Variants in RYR3 observed in about 807,000 individuals in gnomAD.
RYR3 encodes ryanodine receptor 3.
In RYR3, 207 loss-of-function variants were observed where a neutral mutation model predicts 584.3. The ratio of observed to expected loss-of-function variants is 0.35; its 90% CI spans 0.32 to 0.40. RYR3 has a LOEUF of 0.40. RYR3 is among the 10% of genes least tolerant of loss of function. The pLI, the probability that RYR3 is intolerant of heterozygous loss-of-function variation, is 1.00. For synonymous variants in RYR3, 2,416 were observed against 2,248.5 expected, an observed-to-expected ratio of 1.07 and a Z score of -2.11; for missense variants, 5,616 against 6,089.2, an observed-to-expected ratio of 0.92 and a Z score of 2.59.
At chr15:33,760,821 T>C (rs959447895) in intron 60 of RYR3, among the ~76,000 whole-genome samples, 1 of 152,216 alleles carries the variant, frequency 6.6e-6, no homozygotes, top group African/African-American at 2.4e-5. Context: ...CACATGCACC[T>C]ATTCTAAAAT....
chr15:33,640,932 C>T (rs2061779297), intron 27 of RYR3, among the ~76,000 whole-genome samples: 1 of 152,120 alleles, frequency 6.6e-6, no homozygotes, highest in South Asian at 2.1e-4. Flanking sequence ...AAGCTGTGTG[C>T]AATATGGAAA....
At chr15:33,651,909 G>A (rs577472483) in intron 31 of RYR3, among the ~76,000 whole-genome samples, 20 of 152,306 alleles carry the variant, frequency 1.3e-4, no homozygotes, top group South Asian at 1.0e-3. Flanking sequence ...TCTTGCCCAC[G>A]GTGGGGGGCT....
At chr15:33,548,253 G>T (rs939897437) in intron 9 of RYR3, 49 bp downstream of exon 9, 2 of 1,143,870 alleles carry the variant, frequency 1.7e-6, no homozygotes, top group South Asian at 1.3e-5. Flanking sequence ...TTCTTTTTCA[G>T]TACAGGCCGT....
chr15:33,388,581 A>C (rs1403683287), intron 1 of RYR3, among the ~76,000 whole-genome samples: 1 of 152,234 alleles, frequency 6.6e-6, no homozygotes, highest in Non-Finnish European at 1.5e-5. Context: ...AGACAAGGAC[A>C]AGTATAAATC....
At chr15:33,571,305 T>G (rs2058016733) in intron 12 of RYR3, among the ~76,000 whole-genome samples, 3 of 152,214 alleles carry the variant, frequency 2.0e-5, no homozygotes, top group Admixed American at 2.0e-4. Flanking sequence ...GAGCATTAGA[T>G]TTTTTCAAAT....
intron 1 of RYR3, among the ~76,000 whole-genome samples, chr15:33,361,758 G>C (rs1974796070): frequency 6.6e-6 from 1 of 152,226 alleles, no homozygotes; most frequent in African/African-American, 2.4e-5. Context: ...CCAAAACCTA[G>C]TGCGTGAGGA....
intron 2 of RYR3, among the ~76,000 whole-genome samples, chr15:33,485,740 G>A (rs182330392): frequency 1.3e-5 from 2 of 152,312 alleles, no homozygotes; most frequent in Admixed American, 6.5e-5. Flanking sequence ...TTTCTAGATT[G>A]TGTCACTCTC....
intron 1 of RYR3, among the ~76,000 whole-genome samples, chr15:33,461,419 T>C (rs2048033629): frequency 6.6e-6 from 1 of 152,226 alleles, no homozygotes; most frequent in Non-Finnish European, 1.5e-5. Context: ...TGTCTGGTTT[T>C]GATTCTTTTA....
chr15:33,670,193 T>C (rs1285847414), intron 37 of RYR3, among the ~76,000 whole-genome samples: 3 of 151,954 alleles, frequency 2.0e-5, no homozygotes, highest in Non-Finnish European at 4.4e-5. Flanking sequence ...AAAACACATG[T>C]TTTAGGATTA....
At chr15:33,441,494 GT>G (rs1437832730) in intron 1 of RYR3, among the ~76,000 whole-genome samples, 1 of 152,160 alleles carries the variant, frequency 6.6e-6, no homozygotes, top group Admixed American at 6.5e-5. Flanking sequence ...GGGAAGATAG[GT>G]GGGGAGTTGG....
At chr15:33,817,658 G>A (rs2076888916) in intron 75 of RYR3, among the ~76,000 whole-genome samples, 1 of 151,984 alleles carries the variant, frequency 6.6e-6, no homozygotes, top group Non-Finnish European at 1.5e-5. Flanking sequence ...GTCACCCTCT[G>A]TTTCTTTCCT....
chr15:33,701,204 A>G (rs2066277905), intron 42 of RYR3, 124 bp downstream of exon 42: 2 of 632,014 alleles, frequency 3.2e-6, no homozygotes, highest in African/African-American at 3.7e-5. Context: ...GCTTGTAGGG[A>G]AAGTGTGAAA....
At chr15:33,530,500 TG>T in intron 3 of RYR3, 91 bp from the exon 4 acceptor site, 1 of 869,422 alleles carries the variant, frequency 1.2e-6, no homozygotes, top group Non-Finnish European at 1.9e-6. Context: ...GGTCTTTTCC[TG>T]GTAGTCTGTC....
At chr15:33,727,583 G>A (rs562204771) in intron 46 of RYR3, among the ~76,000 whole-genome samples, 2 of 152,260 alleles carry the variant, frequency 1.3e-5, no homozygotes, top group East Asian at 1.9e-4. Context: ...CACCAGGCAC[G>A]CATGAGAGAG....
At chr15:33,401,555 AT>A (rs892667596) in intron 1 of RYR3, among the ~76,000 whole-genome samples, 2 of 152,170 alleles carry the variant, frequency 1.3e-5, no homozygotes, top group African/African-American at 4.8e-5. Context: ...CTGTAGAATA[AT>A]TTTTTACATG....
intron 67 of RYR3, among the ~76,000 whole-genome samples, chr15:33,796,386 G>A (rs1350693202): frequency 6.6e-6 from 1 of 151,750 alleles, no homozygotes; most frequent in Non-Finnish European, 1.5e-5. Flanking sequence ...CACCCACCTT[G>A]GCCTCCCAAA....
rs561912756 is a variant in RYR3 at position 33,564,437 on chromosome 15, C to T, written c.1146+1427C>T. Reference sequence around the variant, plus strand: ...GCCCTGGAAAATACAGTAGGCTTTCCGTTGATCTTTAGAAGAGCTACACCC... The same window carrying T: ...GCCCTGGAAAATACAGTAGGCTTTCTGTTGATCTTTAGAAGAGCTACACCC... On this transcript the variant is annotated intron_variant, in intron 11 of 103. Transcript: ENST00000634891. 5.3e-5 allele frequency among the ~76,000 whole-genome samples: 8 copies of T among 152,206 alleles called. No homozygotes were observed. In the East Asian group the frequency reaches 5.8e-4, roughly 11 times the overall value.
At chr15:33,639,352 C>T (rs552868456) in intron 27 of RYR3, among the ~76,000 whole-genome samples, 91 of 152,216 alleles carry the variant, frequency 6.0e-4, no homozygotes, top group Middle Eastern at 3.4e-3. Flanking sequence ...CTTTCAGTTC[C>T]GCAATGCCTT....
chr15:33,625,745 A>G (rs2060952005), intron 20 of RYR3, among the ~76,000 whole-genome samples: 1 of 152,168 alleles, frequency 6.6e-6, no homozygotes, highest in Non-Finnish European at 1.5e-5. Flanking sequence ...AATGATTCCT[A>G]AGGAGAACAG....
Sources: gnomAD v4.1 joint callset for allele counts (sites outside exome capture counted in the v4.1 genomes callset) on GRCh38, gnomAD v4.1.1 for gene constraint, MANE v1.5 for transcripts, NCBI Gene and HGNC (gene_info 2026-07-23, HGNC 2026-07-21) for gene names.